Variants in NCOR1 observed in about 807,000 individuals in gnomAD.
NCOR1 encodes the protein protein phosphatase 1, regulatory subunit 109.
A neutral mutation model predicts 288.1 loss-of-function variants in NCOR1; 63 were observed. The ratio of observed to expected loss-of-function variants is 0.22; its 90% CI spans 0.18 to 0.27. The LOEUF is 0.27. Among genes scored for constraint, NCOR1 ranks in the 10% least tolerant of loss-of-function variants. NCOR1 has a pLI of 1.00. For missense variants in NCOR1, 2,397 were observed against 3,019.2 expected (o/e 0.79, Z 4.83); for synonymous variants, 1,007 against 1,065.9 (o/e 0.94, Z 1.08).
chr17:16,105,918 A>C (rs1441482657), intron 19 of NCOR1, among the ~76,000 whole-genome samples: 1 of 152,116 alleles, frequency 6.6e-6, no homozygotes. Flanking sequence ...TGACCAACGT[A>C]GCGAAACCCC....
chr17:16,181,729 A>G (rs1289193487), intron 3 of NCOR1, among the ~76,000 whole-genome samples: 1 of 152,160 alleles, frequency 6.6e-6, no homozygotes, highest in Non-Finnish European at 1.5e-5. Flanking sequence ...TAAATGTAAA[A>G]ATCATTCTTA....
rs774058785 is a variant in NCOR1 at position 16,101,683 on chromosome 17, G to A, written c.2257C>T (p.Leu753Phe). ...GGTGCAGTTTCCGTGGTGGGCTCAA[G>A]CTCAACCGCAGGTTCTGTGTTTCCT... The part of the protein sequence containing the change: ...SRGNTEPAVE[L>F]EPTTETAPST... The change falls in exon 20 of 46, where the codon CTT becomes TTT. Residue 753 changes from leucine (L) to phenylalanine (F), a missense_variant. Leu to Phe is a conservative substitution (Grantham distance 22, BLOSUM62 0). Coordinates refer to ENST00000268712, the MANE Select transcript of NCOR1 (RefSeq NM_006311.4). The A allele has an allele frequency of 1.1e-5, 17 of 1,614,206 alleles. 1 individual carries two copies. The Admixed American group carries it at 2.2e-4, about 21-fold the overall frequency.
At chr17:16,092,617 C>T (rs565404615) in intron 21 of NCOR1, among the ~76,000 whole-genome samples, 1 of 133,818 alleles carries the variant, frequency 7.5e-6, no homozygotes, top group Admixed American at 7.8e-5. Context: ...TCCCATCCCT[C>T]ATCTCTCTTT....
At chr17:16,106,191 C>T (rs189679351) in intron 19 of NCOR1, among the ~76,000 whole-genome samples, 8 of 152,146 alleles carry the variant, frequency 5.3e-5, no homozygotes, top group Admixed American at 1.3e-4. Flanking sequence ...AACAAAAAGC[C>T]CAACTTAACC....
At chr17:16,108,063 AAAAAG>A (rs1161291237) in intron 19 of NCOR1, among the ~76,000 whole-genome samples, 7 of 152,098 alleles carry the variant, frequency 4.6e-5, no homozygotes, top group Non-Finnish European at 8.8e-5. Flanking sequence ...AAAGGAAAAC[AAAAAG>A]AAAATGATGG....
chr17:16,090,405 A>C (rs1265374293), intron 22 of NCOR1, among the ~76,000 whole-genome samples: 2 of 152,172 alleles, frequency 1.3e-5, no homozygotes, highest in Non-Finnish European at 2.9e-5. Context: ...GGATTTCCTC[A>C]TAATTCGAAT....
intron 41 of NCOR1, 133 bp from the exon 42 acceptor site, chr17:16,047,226 C>T: frequency 2.3e-6 from 2 of 871,312 alleles, no homozygotes; most frequent in South Asian, 4.2e-5. Flanking sequence ...GGTTACAGCC[C>T]TAAGAAACAG....
At chr17:16,112,290 T>A (rs1208285876) in intron 18 of NCOR1, among the ~76,000 whole-genome samples, 1 of 152,238 alleles carries the variant, frequency 6.6e-6, no homozygotes, top group Non-Finnish European at 1.5e-5. Context: ...CATGTTTTGG[T>A]TGCTACAGCA....
intron 5 of NCOR1, among the ~76,000 whole-genome samples, chr17:16,161,354 A>AT (rs2080834751): frequency 6.6e-6 from 1 of 152,004 alleles, no homozygotes; most frequent in African/African-American, 2.4e-5. Context: ...CAGTGGCACA[A>AT]TCTCAGCTCA....
At chr17:16,197,683 G>A (rs753657366) in intron 1 of NCOR1, among the ~76,000 whole-genome samples, 1 of 152,182 alleles carries the variant, frequency 6.6e-6, no homozygotes, top group Admixed American at 6.5e-5. Context: ...AGCAAGCAGT[G>A]AACTAGGAGG....
intron 26 of NCOR1, among the ~76,000 whole-genome samples, chr17:16,077,608 A>G: frequency 6.9e-6 from 1 of 144,514 alleles, no homozygotes; most frequent in African/African-American, 2.6e-5. Context: ...AGGGAAAAGA[A>G]AAGGAAGGGA....
intron 4 of NCOR1, among the ~76,000 whole-genome samples, chr17:16,168,955 C>A (rs1309063265): frequency 1.3e-5 from 2 of 148,632 alleles, no homozygotes; most frequent in Non-Finnish European, 3.0e-5. Context: ...CAAAGTGAGA[C>A]TCCGTCTCAA....
At chr17:16,209,608 A>G (rs2091923633) in intron 1 of NCOR1, among the ~76,000 whole-genome samples, 1 of 150,152 alleles carries the variant, frequency 6.7e-6, no homozygotes, top group Non-Finnish European at 1.5e-5. Flanking sequence ...ACATACAGAA[A>G]ATGAATATTA....
intron 15 of NCOR1, among the ~76,000 whole-genome samples, chr17:16,123,328 C>G (rs996429239): frequency 6.6e-6 from 1 of 152,116 alleles, no homozygotes; most frequent in Non-Finnish European, 1.5e-5. Flanking sequence ...AAATGCCTCT[C>G]TCACTAATTT....
At chr17:16,197,403 GATGTC>G (rs1009390135) in intron 1 of NCOR1, among the ~76,000 whole-genome samples, 16 of 151,976 alleles carry the variant, frequency 1.1e-4, no homozygotes, top group Admixed American at 5.9e-4. Flanking sequence ...TCCTCCTCCT[GATGTC>G]ATGTTTCCTG....
At chr17:16,095,718 C>T (rs1234155459) in intron 21 of NCOR1, among the ~76,000 whole-genome samples, 3 of 122,516 alleles carry the variant, frequency 2.4e-5, no homozygotes. Flanking sequence ...GTCAGCCCCC[C>T]GCCCGGCCAG....
At position 16,029,269 on chromosome 17, in the gene NCOR1, G is replaced by GTGTT. The variant is rs1001418528; in HGVS notation, c.*3023_*3026dup. 2 of 453,482 alleles carry GTGTT rather than the reference G, an allele frequency of 4.4e-6. No homozygotes were observed. The highest frequency in any genetic ancestry group is 4.7e-5 in the Admixed American group (2 of 42,518). The allele number at this position is 453,482 out of a possible 1,614,324, so 28.1% of individuals were successfully genotyped here. A position where few individuals can be genotyped will look rare whatever the true frequency, so the allele number is the denominator to read the frequency against. ...TTTTCAGGACAGTCTCTTCATGTGGGTGTTTTCATTACAGTTCATTTACAC... is the reference window on the plus strand; with the variant it reads ...TTTTCAGGACAGTCTCTTCATGTGGGTGTTTGTTTTCATTACAGTTCATTTACAC... On this transcript the variant is annotated 3_prime_UTR_variant, in exon 46 of 46. Transcript: ENST00000268712.
chr17:16,034,007 T>G (rs1973291118), intron 45 of NCOR1, among the ~76,000 whole-genome samples: 1 of 152,188 alleles, frequency 6.6e-6, no homozygotes, highest in Non-Finnish European at 1.5e-5. Context: ...GATGATGGCT[T>G]TTTAAACTAG....
intron 15 of NCOR1, among the ~76,000 whole-genome samples, chr17:16,125,757 G>T (rs1170477588): frequency 6.6e-6 from 1 of 151,018 alleles, no homozygotes; most frequent in Admixed American, 6.6e-5. Flanking sequence ...CAAACTAACG[G>T]CTATCATCTT....
Sources: gnomAD v4.1 joint callset for allele counts (sites outside exome capture counted in the v4.1 genomes callset) on GRCh38, gnomAD v4.1.1 for gene constraint, MANE v1.5 for transcripts, NCBI Gene and HGNC (gene_info 2026-07-23, HGNC 2026-07-21) for gene names.